Variants in BNC2 observed in about 807,000 individuals in gnomAD.
BNC2 encodes basonuclin zinc finger protein 2, also known as zinc finger protein basonuclin-2.
Under a neutral mutation model 76.3 loss-of-function variants are expected in BNC2, and 20 were observed. The observed-to-expected ratio is 0.26, with a 90% CI of 0.18 to 0.38. BNC2 has a LOEUF of 0.38. Ranked by LOEUF, BNC2 falls within the 10% of genes least tolerant of loss-of-function variation. BNC2 has a pLI of 1.00. For synonymous variants in BNC2, 582 were observed against 514.8 expected, an observed-to-expected ratio of 1.13 and a Z score of -1.77; for missense variants, 1,382 against 1,399.8, an observed-to-expected ratio of 0.99 and a Z score of 0.20.
At chr9:16,425,731 G>C (rs953442578) in intron 6 of BNC2, among the ~76,000 whole-genome samples, 1 of 152,178 alleles carries the variant, frequency 6.6e-6, no homozygotes, top group Non-Finnish European at 1.5e-5. Context: ...AGAATTATTG[G>C]TTTGTTGGCA....
At chr9:16,691,239 G>A (rs748261542) in intron 3 of BNC2, among the ~76,000 whole-genome samples, 40 of 152,184 alleles carry the variant, frequency 2.6e-4, no homozygotes, top group Middle Eastern at 3.4e-3. Flanking sequence ...TAAGGAAGGG[G>A]AGAAATTTCC....
chr9:16,748,569 T>C (rs1400867060), intron 1 of BNC2, among the ~76,000 whole-genome samples: 1 of 149,842 alleles, frequency 6.7e-6, no homozygotes, highest in Non-Finnish European at 1.5e-5. Context: ...TTTGCCCGGG[T>C]GCAGTGGCTC....
intron 5 of BNC2, among the ~76,000 whole-genome samples, chr9:16,513,275 G>C (rs547359684): frequency 7.9e-5 from 12 of 150,946 alleles, no homozygotes; most frequent in African/African-American, 2.9e-4. Flanking sequence ...ATGAAGACAC[G>C]GGTCTAAGAC....
chr9:16,820,295 A>G (rs1300879547), intron 1 of BNC2, among the ~76,000 whole-genome samples: 1 of 137,826 alleles, frequency 7.3e-6, no homozygotes. Context: ...GCGTGGTGGC[A>G]GGTGCCTGTA....
At chr9:16,445,831 T>C (rs531754230) in intron 5 of BNC2, among the ~76,000 whole-genome samples, 6 of 152,338 alleles carry the variant, frequency 3.9e-5, no homozygotes, top group South Asian at 2.1e-4. Context: ...GATAGGTGTA[T>C]ACCAGCTTGC....
At chr9:16,618,744 A>G (rs753040691) in intron 3 of BNC2, among the ~76,000 whole-genome samples, 8 of 152,166 alleles carry the variant, frequency 5.3e-5, no homozygotes, top group Admixed American at 3.3e-4. Context: ...GCATTCTCAG[A>G]AAACCAATTA....
intron 1 of BNC2, among the ~76,000 whole-genome samples, chr9:16,869,441 C>G (rs1280388411): frequency 6.6e-6 from 1 of 152,090 alleles, no homozygotes; most frequent in Non-Finnish European, 1.5e-5. Flanking sequence ...GTACGCGCCC[C>G]TGCATTTGAC....
intron 3 of BNC2, among the ~76,000 whole-genome samples, chr9:16,695,672 G>A (rs927350208): frequency 1.3e-5 from 2 of 151,786 alleles, no homozygotes; most frequent in African/African-American, 4.8e-5. Context: ...ACATCATGTG[G>A]CCGCATTTTC....
intron 3 of BNC2, among the ~76,000 whole-genome samples, chr9:16,676,485 T>C (rs1822646703): frequency 1.3e-5 from 2 of 152,242 alleles, no homozygotes; most frequent in Admixed American, 1.3e-4. Context: ...TAATACTTCT[T>C]ACATTAATAC....
At chr9:16,715,301 T>C (rs1031815762) in intron 3 of BNC2, among the ~76,000 whole-genome samples, 1 of 152,210 alleles carries the variant, frequency 6.6e-6, no homozygotes, top group Middle Eastern at 3.2e-3. Flanking sequence ...ATGTGGGTCA[T>C]AAGGAGAAAA....
chr9:16,738,276 G>T, intron 2 of BNC2, 84 bp downstream of exon 2: 1 of 1,430,902 alleles, frequency 7.0e-7, no homozygotes. Flanking sequence ...AGAAAGAAGA[G>T]GTGAGAGATA....
intron 1 of BNC2, among the ~76,000 whole-genome samples, chr9:16,759,532 T>C (rs190735665): frequency 2.0e-5 from 3 of 151,914 alleles, no homozygotes. Flanking sequence ...TCAAAATACA[T>C]AGGAAGAAAA....
chr9:16,587,794 T>A (rs530536923), intron 3 of BNC2, among the ~76,000 whole-genome samples: 1 of 152,308 alleles, frequency 6.6e-6, no homozygotes, highest in South Asian at 2.1e-4. Context: ...CAAGTCCTGC[T>A]TAAGTTGTTA....
chr9:16,656,991 A>G (rs1246858304), intron 3 of BNC2, among the ~76,000 whole-genome samples: 2 of 152,158 alleles, frequency 1.3e-5, no homozygotes, highest in East Asian at 3.9e-4. Flanking sequence ...TGGTGATGCT[A>G]TTTAAAGAAC....
intron 1 of BNC2, among the ~76,000 whole-genome samples, chr9:16,836,830 ATTAAAC>A (rs1429584172): frequency 6.6e-6 from 1 of 152,194 alleles, no homozygotes; most frequent in Non-Finnish European, 1.5e-5. Context: ...ATATAGGCAA[ATTAAAC>A]TTCCTGCTTA....
intron 3 of BNC2, chr9:16,727,136 C>T (rs1157516589): frequency 6.5e-6 from 1 of 153,158 alleles, no homozygotes; most frequent in Non-Finnish European, 1.5e-5. Flanking sequence ...GGCGGGCGGG[C>T]GGGAGAGCGG....
chr9:16,659,511 G>A (rs1334427229), intron 3 of BNC2, among the ~76,000 whole-genome samples: 1 of 151,852 alleles, frequency 6.6e-6, no homozygotes, highest in Admixed American at 6.6e-5. Flanking sequence ...GGGAGGCTGA[G>A]GCAGGAGAAT....
Position 16,822,864 on chromosome 9 carries a change from T to C in BNC2, c.3+47782A>G, listed in dbSNP as rs952354566. ...TTACTATTCTATAAATTTGAATATT[T>C]TTTTAAGCCAAGAAAAATTACAGAA... On this transcript the variant is annotated intron_variant, in intron 1 of 6. Coordinates refer to ENST00000380672, the MANE Select transcript of BNC2 (RefSeq NM_017637.6). 2.0e-5 allele frequency among the ~76,000 whole-genome samples: 3 copies of C among 152,222 alleles called. 1 individual carries two copies. The highest frequency in any genetic ancestry group is 4.4e-5 in the Non-Finnish European group (3 of 68,036).
intron 1 of BNC2, among the ~76,000 whole-genome samples, chr9:16,805,270 T>C (rs1171607983): frequency 1.3e-5 from 2 of 152,144 alleles, no homozygotes; most frequent in Admixed American, 6.5e-5. Flanking sequence ...TATGTGAATG[T>C]AGCCAAACAC....
Sources: gnomAD v4.1 joint callset for allele counts (sites outside exome capture counted in the v4.1 genomes callset) on GRCh38, gnomAD v4.1.1 for gene constraint, MANE v1.5 for transcripts, NCBI Gene and HGNC (gene_info 2026-07-23, HGNC 2026-07-21) for gene names.